Variants in GAP43 observed in about 807,000 individuals in gnomAD.
The protein encoded by GAP43 is neuromodulin.
Under a neutral mutation model 18.6 loss-of-function variants are expected in GAP43, and 6 were observed. That is an observed-to-expected ratio of 0.32 (90% confidence interval 0.18 to 0.64). GAP43 has a LOEUF of 0.64. GAP43 is among the 30% of genes least tolerant of loss of function. The pLI is 0.78. For synonymous variants in GAP43, 115 were observed against 111.4 expected, an observed-to-expected ratio of 1.03 and a Z score of -0.20; for missense variants, 292 against 295.5, an observed-to-expected ratio of 0.99 and a Z score of 0.09.
chr3:115,660,861 C>A (rs1228867721), intron 1 of GAP43, among the ~76,000 whole-genome samples: 1 of 152,176 alleles, frequency 6.6e-6, no homozygotes, highest in Admixed American at 6.5e-5. Context: ...TCCTCCTTGC[C>A]TTTCCTTCTT....
At chr3:115,713,893 A>G (rs907947017) in intron 2 of GAP43, among the ~76,000 whole-genome samples, 11 of 152,228 alleles carry the variant, frequency 7.2e-5, no homozygotes, top group Admixed American at 2.0e-4. Context: ...TCCTTTTTCA[A>G]AACTTCTGAG....
intron 1 of GAP43, among the ~76,000 whole-genome samples, chr3:115,652,912 G>A (rs986491901): frequency 5.3e-5 from 8 of 152,082 alleles, no homozygotes; most frequent in South Asian, 2.1e-4. Flanking sequence ...AGTGGATTCC[G>A]TACAATTTTA....
chr3:115,707,276 G>T (rs1369082051), intron 2 of GAP43, among the ~76,000 whole-genome samples: 1 of 152,044 alleles, frequency 6.6e-6, no homozygotes, highest in East Asian at 1.9e-4. Context: ...GTCAGAAGTA[G>T]AATTTATTTA....
chr3:115,628,219 T>A (rs1007780486), intron 1 of GAP43, among the ~76,000 whole-genome samples: 2 of 151,992 alleles, frequency 1.3e-5, no homozygotes, highest in Non-Finnish European at 2.9e-5. Flanking sequence ...CTTCTGCTTG[T>A]GCTCTTGCTC....
intron 2 of GAP43, among the ~76,000 whole-genome samples, chr3:115,710,150 A>C (rs1288023277): frequency 1.3e-5 from 2 of 152,196 alleles, no homozygotes; most frequent in Non-Finnish European, 2.9e-5. Flanking sequence ...TAATGTGCCA[A>C]GCAGTGTAGA....
At chr3:115,651,742 C>T (rs1465697626) in intron 1 of GAP43, among the ~76,000 whole-genome samples, 1 of 152,072 alleles carries the variant, frequency 6.6e-6, no homozygotes, top group East Asian at 1.9e-4. Flanking sequence ...CCCCACTGTT[C>T]TAAAATTGCT....
At chr3:115,628,900 T>C (rs1160951146) in intron 1 of GAP43, among the ~76,000 whole-genome samples, 7 of 152,302 alleles carry the variant, frequency 4.6e-5, no homozygotes, top group African/African-American at 1.7e-4. Flanking sequence ...TTCTGATCCA[T>C]AGTTATCTTG....
chr3:115,696,698 C>T (rs1157145644), intron 2 of GAP43, among the ~76,000 whole-genome samples: 1 of 151,604 alleles, frequency 6.6e-6, no homozygotes, highest in East Asian at 1.9e-4. Flanking sequence ...CCATCTTCAG[C>T]TCTCCGTTCA....
intron 1 of GAP43, among the ~76,000 whole-genome samples, chr3:115,670,298 C>G (rs1214190551): frequency 6.7e-6 from 1 of 150,274 alleles, no homozygotes. Context: ...TTTCCAATTT[C>G]ATCCATGTCC....
In GAP43 at chr3:115,716,759, T is replaced by TAC. The variant is rs1393307669; in HGVS notation, c.629-4034_629-4033insCA. 1.1e-3 allele frequency among the ~76,000 whole-genome samples: 122 copies of TAC among 107,704 alleles called. 1 individual carries two copies. Among genetic ancestry groups the TAC allele is most frequent in the Non-Finnish European group, 1.4e-3 (79 of 55,170 alleles). The allele number at this position is 107,704 out of a possible 152,430, so 70.7% of individuals were successfully genotyped here. A position where few individuals can be genotyped will look rare whatever the true frequency, so the allele number is the denominator to read the frequency against. On this transcript the variant is annotated intron_variant, in intron 2 of 2. Transcript: ENST00000305124. ...ATATATATATATATATATATATATA[T>TAC]ATATATATACAGAGAGAGAGAGAGA... is the stretch of plus-strand genomic sequence containing the variant.
At chr3:115,652,202 C>T (rs1007044716) in intron 1 of GAP43, among the ~76,000 whole-genome samples, 49 of 151,966 alleles carry the variant, frequency 3.2e-4, no homozygotes, top group Admixed American at 2.7e-3. Flanking sequence ...TAAACTGTAC[C>T]GCTCATTTAA....
At chr3:115,719,266 AG>A (rs1439520149) in intron 2 of GAP43, among the ~76,000 whole-genome samples, 66 of 106,528 alleles carry the variant, frequency 6.2e-4, no homozygotes, top group African/African-American at 1.9e-3. Flanking sequence ...TCAGGGATTG[AG>A]GAAAAAAAAA....
chr3:115,718,084 T>C (rs1709534105), intron 2 of GAP43, among the ~76,000 whole-genome samples: 1 of 152,216 alleles, frequency 6.6e-6, no homozygotes, highest in Non-Finnish European at 1.5e-5. Context: ...TCCCTTTTTC[T>C]CTCATTTCCT....
At position 115,623,590 on chromosome 3, in the gene GAP43, G is replaced by C. The variant is rs983605420; in HGVS notation, c.-100G>C. 1 of 1,482,954 alleles carries C rather than the reference G, an allele frequency of 6.7e-7. No homozygotes were observed. Among genetic ancestry groups the C allele is most frequent in the Non-Finnish European group, 9.4e-7 (1 of 1,067,610 alleles). 91.9% of individuals were successfully genotyped at this position (1,482,954 alleles called of 1,614,324 possible). On this transcript the variant is annotated 5_prime_UTR_variant, in exon 1 of 3. Transcript: ENST00000305124. ...AGAGAGCGCGCTAGCGCGAGAGAGC[G>C]AGTGAGCAAGCGAGCAGAAAAGAGG...
At chr3:115,716,714 ACAAAT>A (rs1559809032) in intron 2 of GAP43, among the ~76,000 whole-genome samples, 3,919 of 63,876 alleles carry the variant, frequency 0.061, 654 homozygotes, top group East Asian at 0.096. Context: ...TTAATCTCAG[ACAAAT>A]ATATATATAT....
chr3:115,718,330 A>G (rs1005825676), intron 2 of GAP43, among the ~76,000 whole-genome samples: 3 of 152,228 alleles, frequency 2.0e-5, no homozygotes, highest in Non-Finnish European at 4.4e-5. Flanking sequence ...GAGCAGGGTT[A>G]GGGAACCAAG....
At chr3:115,713,041 G>A (rs283365) in intron 2 of GAP43, among the ~76,000 whole-genome samples, 56,964 of 151,944 alleles carry the variant, frequency 0.37, 10,970 homozygotes, top group South Asian at 0.48. Context: ...GTAATGAAAC[G>A]AGCAAAATGT....
At chr3:115,699,758 T>G (rs1489266027) in intron 2 of GAP43, among the ~76,000 whole-genome samples, 1 of 152,172 alleles carries the variant, frequency 6.6e-6, no homozygotes, top group Non-Finnish European at 1.5e-5. Flanking sequence ...AGGATTTTAT[T>G]TAATTAAAAT....
chr3:115,633,090 A>G (rs966749850), intron 1 of GAP43, among the ~76,000 whole-genome samples: 2 of 152,274 alleles, frequency 1.3e-5, no homozygotes, highest in South Asian at 2.1e-4. Flanking sequence ...CCAGGGTAGA[A>G]TTTCAATAAC....
Sources: gnomAD v4.1 joint callset for allele counts (sites outside exome capture counted in the v4.1 genomes callset) on GRCh38, gnomAD v4.1.1 for gene constraint, MANE v1.5 for transcripts, NCBI Gene and HGNC (gene_info 2026-07-23, HGNC 2026-07-21) for gene names.